The following ITFG1 variants were observed in gnomAD, a reference collection of about 807,000 sequenced individuals.
ITFG1 encodes the protein T-cell immunomodulatory protein.
Under a neutral mutation model 81.8 loss-of-function variants are expected in ITFG1, and 34 were observed. The observed-to-expected ratio is 0.42, with a 90% CI of 0.32 to 0.55. The LOEUF is 0.55. ITFG1 is among the 20% of genes least tolerant of loss of function. The probability of loss-of-function intolerance (pLI) is 0.17; values close to 1 mark genes in which losing one functional copy is unlikely to be tolerated. For synonymous variants in ITFG1, 285 were observed against 270.6 expected (o/e 1.05, Z -0.52); for missense variants, 672 against 755.4 (o/e 0.89, Z 1.29).
chr16:47,399,883 T>TA (rs976145385), intron 6 of ITFG1, among the ~76,000 whole-genome samples: 26 of 152,306 alleles, frequency 1.7e-4, no homozygotes, highest in African/African-American at 5.8e-4. Context: ...GCTTTTATTG[T>TA]AAAAAATAAT....
intron 10 of ITFG1, among the ~76,000 whole-genome samples, chr16:47,290,412 C>T (rs935043180): frequency 2.0e-5 from 3 of 152,076 alleles, no homozygotes; most frequent in Non-Finnish European, 2.9e-5. Flanking sequence ...TGGTTACTGA[C>T]GTCTCCATCT....
At chr16:47,310,181 CCATACTTTTCTATA>C (rs1309803701) in intron 10 of ITFG1, among the ~76,000 whole-genome samples, 3 of 152,172 alleles carry the variant, frequency 2.0e-5, no homozygotes, top group Non-Finnish European at 2.9e-5. Flanking sequence ...ACAGACTCTC[CCATACTTTTCTATA>C]AATAGTTTAG....
chr16:47,235,572 C>G (rs746536354), intron 13 of ITFG1, among the ~76,000 whole-genome samples: 1 of 152,198 alleles, frequency 6.6e-6, no homozygotes, highest in East Asian at 1.9e-4. Flanking sequence ...TGGGTGGGAT[C>G]GGTTCATGAG....
At chr16:47,455,978 T>C (rs1184220373) in intron 2 of ITFG1, among the ~76,000 whole-genome samples, 1 of 152,044 alleles carries the variant, frequency 6.6e-6, no homozygotes, top group Admixed American at 6.5e-5. Flanking sequence ...AAATATTTAA[T>C]AATGTAAGAG....
chr16:47,219,064 C>A lies in ITFG1; in HGVS notation c.1375-118G>T, dbSNP rs1965660569. On this transcript the variant is annotated intron_variant, in intron 13 of 17. Coordinates refer to ENST00000320640, the MANE Select transcript of ITFG1 (RefSeq NM_030790.5). ...ACAGATGACAGTTACTTAGAGACCC[C>A]TTCCATTAACAGCACATCAAAAGAA... 3.3e-5 allele frequency: 16 copies of A among 480,082 alleles called. No individual in the cohort carries two copies. The South Asian group carries it at 6.7e-4, about 20-fold the overall frequency. 29.7% of individuals were successfully genotyped at this position (480,082 alleles called of 1,614,324 possible). A position where few individuals can be genotyped will look rare whatever the true frequency, so the allele number is the denominator to read the frequency against.
chr16:47,194,675 T>C (rs1397500423), intron 14 of ITFG1, among the ~76,000 whole-genome samples: 1 of 152,132 alleles, frequency 6.6e-6, no homozygotes, highest in Non-Finnish European at 1.5e-5. Context: ...TTGTATTTGG[T>C]AGATGTTCAA....
At chr16:47,374,346 A>G (rs780637469) in intron 7 of ITFG1, among the ~76,000 whole-genome samples, 27 of 152,240 alleles carry the variant, frequency 1.8e-4, no homozygotes, top group Non-Finnish European at 3.1e-4. Flanking sequence ...AAAGAAAACA[A>G]TAACAAAAGA....
intron 8 of ITFG1, among the ~76,000 whole-genome samples, chr16:47,363,173 A>AC (rs751374890): frequency 5.0e-4 from 76 of 152,308 alleles, no homozygotes; most frequent in Non-Finnish European, 6.5e-4. Flanking sequence ...TGTTGGCATT[A>AC]CAGGTGTGAA....
intron 12 of ITFG1, among the ~76,000 whole-genome samples, chr16:47,242,719 G>A (rs1965948772): frequency 6.6e-6 from 1 of 152,132 alleles, no homozygotes. Flanking sequence ...TATATATACT[G>A]TAGGTCGAAG....
intron 13 of ITFG1, among the ~76,000 whole-genome samples, chr16:47,223,007 G>C (rs536569514): frequency 4.3e-4 from 65 of 151,834 alleles, no homozygotes; most frequent in African/African-American, 1.5e-3. Context: ...TTTAATAAAT[G>C]GTGCTGGGAA....
chr16:47,178,635 C>T (rs1362632408), intron 14 of ITFG1, among the ~76,000 whole-genome samples: 1 of 152,106 alleles, frequency 6.6e-6, no homozygotes, highest in African/African-American at 2.4e-5. Context: ...AGAAGAAAAC[C>T]TAGGCAATAC....
At chr16:47,413,108 G>C (rs1596967145) in intron 6 of ITFG1, among the ~76,000 whole-genome samples, 1 of 152,276 alleles carries the variant, frequency 6.6e-6, no homozygotes, top group South Asian at 2.1e-4. Context: ...GAAGCAGCTA[G>C]AGAGAAGGGT....
At chr16:47,234,974 G>A (rs1965857365) in intron 13 of ITFG1, among the ~76,000 whole-genome samples, 1 of 152,182 alleles carries the variant, frequency 6.6e-6, no homozygotes, top group Middle Eastern at 3.2e-3. Context: ...GCCCTGTGAA[G>A]AGGTGCCTTC....
At chr16:47,180,835 T>C (rs1266343134) in intron 14 of ITFG1, among the ~76,000 whole-genome samples, 5 of 140,896 alleles carry the variant, frequency 3.5e-5, no homozygotes, top group East Asian at 2.2e-4. Context: ...CGTCTCTGCC[T>C]GGCCGCCCAT....
chr16:47,270,584 C>T (rs1966327748), intron 10 of ITFG1, among the ~76,000 whole-genome samples: 1 of 152,192 alleles, frequency 6.6e-6, no homozygotes, highest in Non-Finnish European at 1.5e-5. Context: ...AGCACATGTT[C>T]AGACAATAAC....
intron 8 of ITFG1, among the ~76,000 whole-genome samples, chr16:47,327,826 C>T (rs993465603): frequency 1.3e-5 from 2 of 152,166 alleles, no homozygotes; most frequent in Non-Finnish European, 2.9e-5. Context: ...CAGGAAACAA[C>T]AGGTGCTGGA....
At chr16:47,439,546 A>G (rs2151613708) in intron 5 of ITFG1, among the ~76,000 whole-genome samples, 1 of 152,356 alleles carries the variant, frequency 6.6e-6, no homozygotes, top group Admixed American at 6.5e-5. Context: ...TTCTTAAAGA[A>G]AAGAATTTTC....
At chr16:47,420,075 C>G (rs1968925364) in intron 6 of ITFG1, among the ~76,000 whole-genome samples, 1 of 151,920 alleles carries the variant, frequency 6.6e-6, no homozygotes, top group Non-Finnish European at 1.5e-5. Context: ...AGCCACCATG[C>G]CCTGCCTTAA....
chr16:47,178,220 A>T (rs556534902), intron 14 of ITFG1, among the ~76,000 whole-genome samples: 2 of 152,212 alleles, frequency 1.3e-5, no homozygotes, highest in African/African-American at 2.4e-5. Context: ...GCTCTGCCTG[A>T]TGGTAAAATC....
Sources: allele counts gnomAD v4.1 joint callset (sites outside exome capture counted in the v4.1 genomes callset), GRCh38; gene constraint gnomAD v4.1.1; transcripts MANE v1.5; gene names NCBI Gene and HGNC (gene_info 2026-07-23, HGNC 2026-07-21).